The following PFKP variants were observed in gnomAD, a reference collection of about 807,000 sequenced individuals.
The protein encoded by PFKP is ATP-dependent 6-phosphofructokinase, platelet type.
In PFKP, 101 loss-of-function variants were observed where a neutral mutation model predicts 94.3. The ratio of observed to expected loss-of-function variants is 1.07; its 90% CI spans 0.91 to 1.26. The LOEUF is 1.26. PFKP is among the 50% of genes most tolerant of loss of function. The probability of loss-of-function intolerance (pLI) is 0.00; values close to 1 mark genes in which losing one functional copy is unlikely to be tolerated. For synonymous variants in PFKP, 573 were observed against 432.6 expected (o/e 1.32, Z -4.03); for missense variants, 1,145 against 1,103.3 (o/e 1.04, Z -0.53).
chr10:3,086,471 G>A (rs117600846), intron 2 of PFKP, among the ~76,000 whole-genome samples: 6 of 152,332 alleles, frequency 3.9e-5, no homozygotes, highest in African/African-American at 7.2e-5. Context: ...CCCTTAGGAC[G>A]TTTACCAGTG....
chr10:3,114,545 A>T lies in PFKP; in HGVS notation c.1371+1027A>T, dbSNP rs190667745. Among the ~76,000 whole-genome samples, 325 of 152,332 alleles carry T rather than the reference A, an allele frequency of 2.1e-3. 3 individuals carry two copies. The highest frequency in any genetic ancestry group is 7.3e-3 in the African/African-American group (305 of 41,572). ...GTGGAGACTGCGTTTATAGATGGGG[A>T]GAGAGGACAGTGGCTGAGGATCCTC... On this transcript the variant is annotated intron_variant, in intron 13 of 21. Coordinates refer to ENST00000381125, the MANE Select transcript of PFKP (RefSeq NM_002627.5).
At chr10:3,080,282 C>T (rs914593415) in intron 1 of PFKP, among the ~76,000 whole-genome samples, 1 of 152,162 alleles carries the variant, frequency 6.6e-6, no homozygotes, top group African/African-American at 2.4e-5. Flanking sequence ...CTTTGGGAGG[C>T]TGAGGCGGAT....
chr10:3,109,227 G>A (rs1835918782), intron 9 of PFKP, 128 bp from the exon 10 acceptor site: 1 of 1,241,984 alleles, frequency 8.1e-7, no homozygotes, highest in African/African-American at 1.5e-5. Context: ...GCTCTAAAGA[G>A]TTGGGCTGGA....
intron 2 of PFKP, among the ~76,000 whole-genome samples, chr10:3,086,407 C>G (rs1833601985): frequency 6.6e-6 from 1 of 152,244 alleles, no homozygotes; most frequent in African/African-American, 2.4e-5. Flanking sequence ...GGGCCAGGAA[C>G]AGAGTTCGGT....
In PFKP at chr10:3,109,398, C is replaced by A; in HGVS notation, c.1007C>A (p.Ala336Asp). 1.2e-6 allele frequency: 2 copies of A among 1,610,648 alleles called. No homozygotes were observed. The highest frequency in any genetic ancestry group is 1.7e-6 in the Non-Finnish European group (2 of 1,180,016). ...GAGGCAGTCATCGCCTTGCTAGAGG[C>A]CACCCCGGACACCCCAGCTTGCGTC... ...GVEAVIALLE[A>D]TPDTPACVVS... Residue 336 changes from alanine to aspartate, a missense_variant, in exon 10 of 22, where the codon GCC becomes GAC. Ala to Asp is a moderately radical substitution (Grantham distance 126, BLOSUM62 -2). This residue lies in a region of PFKP where 1,119 missense variants were observed against 1,062.8 expected (regional missense o/e 1.05). Transcript: ENST00000381125.
chr10:3,068,825 G>A (rs2131361970), intron 1 of PFKP: 1 of 476,078 alleles, frequency 2.1e-6, no homozygotes. Context: ...CCCGAGCTGG[G>A]TTTTGATTTT....
At chr10:3,082,549 C>T (rs1471168276) in intron 2 of PFKP, 88 bp downstream of exon 2, 7 of 886,196 alleles carry the variant, frequency 7.9e-6, no homozygotes, top group South Asian at 1.9e-5. Context: ...CCTGCCTCCC[C>T]CATGCTGAGC....
chr10:3,077,085 T>G (rs1832653729), intron 1 of PFKP, among the ~76,000 whole-genome samples: 2 of 151,888 alleles, frequency 1.3e-5, no homozygotes, highest in African/African-American at 4.8e-5. Flanking sequence ...CAAAAAGAAT[T>G]TATGCATTGA....
chr10:3,100,040 G>GT (rs1346104544), intron 3 of PFKP, among the ~76,000 whole-genome samples: 1 of 145,594 alleles, frequency 6.9e-6, no homozygotes, highest in Non-Finnish European at 1.5e-5. Context: ...TGGTGTCCTT[G>GT]TATGTGTAGG....
chr10:3,135,902 C>A, intron 21 of PFKP, 64 bp downstream of exon 21: 1 of 955,744 alleles, frequency 1.0e-6, no homozygotes, highest in Non-Finnish European at 1.7e-6. Context: ...GGGGAATGGC[C>A]ATTGCTGTTG....
intron 10 of PFKP, among the ~76,000 whole-genome samples, chr10:3,110,964 G>A (rs551972793): frequency 1.3e-5 from 2 of 151,754 alleles, no homozygotes; most frequent in African/African-American, 4.9e-5. Context: ...ATGTTAGTGT[G>A]TGTGCATGTG....
intron 20 of PFKP, 80 bp downstream of exon 20, chr10:3,134,662 G>C: frequency 1.1e-6 from 1 of 871,686 alleles, no homozygotes; most frequent in Non-Finnish European, 1.9e-6. Context: ...CTATCGGGGA[G>C]AAGTAGGGTG....
chr10:3,130,879 G>GCTCAGAAAC (rs879563318), intron 17 of PFKP, among the ~76,000 whole-genome samples: 36,409 of 151,998 alleles, frequency 0.24, 4,399 homozygotes, highest in East Asian at 0.3. Flanking sequence ...AAAAAGTTAG[G>GCTCAGAAAC]ATGTTACTTG....
At chr10:3,106,529 T>C (rs933213374) in intron 7 of PFKP, among the ~76,000 whole-genome samples, 3 of 150,538 alleles carry the variant, frequency 2.0e-5, no homozygotes. Context: ...TCTGCGGTGG[T>C]GATGTGAGCT....
intron 20 of PFKP, among the ~76,000 whole-genome samples, chr10:3,135,222 G>T (rs1839103564): frequency 6.6e-6 from 1 of 151,592 alleles, no homozygotes; most frequent in Non-Finnish European, 1.5e-5. Flanking sequence ...ATCAGTCATA[G>T]CAGATGTGTG....
intron 2 of PFKP, among the ~76,000 whole-genome samples, chr10:3,097,699 A>G (rs1834602102): frequency 6.6e-6 from 1 of 152,136 alleles, no homozygotes; most frequent in African/African-American, 2.4e-5. Flanking sequence ...TACATGTATG[A>G]CACTAAATTA....
At chr10:3,084,499 AT>A (rs1490771075) in intron 2 of PFKP, among the ~76,000 whole-genome samples, 2 of 152,038 alleles carry the variant, frequency 1.3e-5, no homozygotes, top group African/African-American at 4.8e-5. Flanking sequence ...TATTGTTTGT[AT>A]TTATGCGATT....
intron 18 of PFKP, among the ~76,000 whole-genome samples, 180 bp from the exon 19 acceptor site, chr10:3,133,023 C>G (rs937122199): frequency 6.6e-6 from 1 of 152,360 alleles, no homozygotes; most frequent in East Asian, 1.9e-4. Flanking sequence ...CAGTTGACCA[C>G]TGGACCATGG....
chr10:3,067,762 A>ACGG lies in PFKP; in HGVS notation c.112+55_112+56insCGG, dbSNP rs1264228779. On this transcript the variant is annotated intron_variant, in intron 1 of 21. Transcript: ENST00000381125. ...GGGACGGACGGACGGAGCTGGGGAGAACCGGGCGAAGGCGATGGGGTGACC... is the reference window on the plus strand; with the variant it reads ...GGGACGGACGGACGGAGCTGGGGAGACGGACCGGGCGAAGGCGATGGGGTGACC... 1,900 of 948,258 alleles carry ACGG rather than the reference A, an allele frequency of 2.0e-3. 36 individuals carry two copies. Among genetic ancestry groups the ACGG allele is most frequent in the East Asian group, 8.3e-3 (235 of 28,352 alleles). The allele number at this position is 948,258 out of a possible 1,614,324, so 58.7% of individuals were successfully genotyped here.
Sources: allele counts gnomAD v4.1 joint callset (sites outside exome capture counted in the v4.1 genomes callset), GRCh38; gene constraint gnomAD v4.1.1; regional missense constraint gnomAD v4.1.1; transcripts MANE v1.5; gene names NCBI Gene and HGNC (gene_info 2026-07-23, HGNC 2026-07-21).